The following SPTA1 variants were observed in gnomAD, a reference collection of about 807,000 sequenced individuals.
The protein encoded by SPTA1 is spectrin alpha chain, erythrocytic 1.
In SPTA1, 177 loss-of-function variants were observed where a neutral mutation model predicts 324.7. That is an observed-to-expected ratio of 0.55 (90% CI 0.48 to 0.62). The LOEUF is 0.62. SPTA1 is among the 20% of genes least tolerant of loss of function. The probability of loss-of-function intolerance (pLI) is 0.00; values close to 1 mark genes in which losing one functional copy is unlikely to be tolerated. For missense variants in SPTA1, 3,162 were observed against 2,883.6 expected, an observed-to-expected ratio of 1.10 and a Z score of -2.21; for synonymous variants, 1,195 against 1,041.3, an observed-to-expected ratio of 1.15 and a Z score of -2.84.
At position 158,638,965 on chromosome 1, in the gene SPTA1, T is replaced by C. The variant is rs193129079; in HGVS notation, c.4980+617A>G. ...TCTATCTCTTCTGTGTCTACTCCTA[T>C]TCTAACCCAGCCCCTTAGTGATGTC... On this transcript the variant is annotated intron_variant, in intron 35 of 51. Transcript: ENST00000643759. Among the ~76,000 whole-genome samples the C allele has an allele frequency of 3.0e-3, 461 of 152,226 alleles. 2 individuals carry two copies. The highest frequency in any genetic ancestry group is 0.01 in the African/African-American group (434 of 41,554).
chr1:158,626,797 G>T (rs145405080), intron 41 of SPTA1, 42 bp downstream of exon 41: 3 of 1,611,678 alleles, frequency 1.9e-6, no homozygotes, highest in African/African-American at 2.7e-5. Context: ...GATTTATTAG[G>T]GTTTCTCAAA....
Position 158,648,523 on chromosome 1 carries a change from G to A in SPTA1, c.3700C>T (p.Pro1234Ser), listed in dbSNP as rs1337317087. 2 of 1,613,816 alleles carry A rather than the reference G, an allele frequency of 1.2e-6. No individual in the cohort carries two copies. The highest frequency in any genetic ancestry group is 1.7e-6 in the Non-Finnish European group (2 of 1,179,928). The stretch of plus-strand genomic sequence containing the variant: ...ACTTGTCTCACCTTATCTCCCAGGG[G>A]TACGAGGTCCCTTTCAAAGCCCTCA... ...RHEGFERDLV[P>S]LGDKVTILGE... The change falls in exon 26 of 52, where the codon CCC becomes TCC. Residue 1234 changes from proline to serine, a missense_variant. Coordinates refer to ENST00000643759, the MANE Select transcript of SPTA1 (RefSeq NM_003126.4).
In SPTA1 at chr1:158,657,469, C is replaced by CCCCAA; in HGVS notation, c.2805+7_2805+8insTTGGG. On this transcript the variant is annotated splice_region_variant and intron_variant, in intron 19 of 51. Transcript: ENST00000643759. Reference sequence around the variant, plus strand: ...GGATTCACAATGTTAAACCCACCCCCACCTTACCCCAGCTGCTTCTTCATC... The same window carrying CCCCAA: ...GGATTCACAATGTTAAACCCACCCCCCCCAAACCTTACCCCAGCTGCTTCTTCATC... 1.3e-6 allele frequency: 2 copies of CCCCAA among 1,531,988 alleles called. No individual in the cohort carries two copies. The highest frequency in any genetic ancestry group is 1.8e-6 in the Non-Finnish European group (2 of 1,107,014). 94.9% of individuals were successfully genotyped at this position (1,531,988 alleles called of 1,614,324 possible). A position where few individuals can be genotyped will look rare whatever the true frequency, so the allele number is the denominator to read the frequency against.
In SPTA1 at chr1:158,669,423, A is replaced by G. The variant is rs1653840492; in HGVS notation, c.1818T>C (p.Asp606=). ...CTCTGCCTACCTTGTAATCTTCATC[A>G]TCTGCCAACTTTTTCTTCTTGTTGA... ...NWINKKKKLA[D]DEDYKDIQNL... The change falls in exon 14 of 52, where the codon GAT becomes GAC. Residue 606 remains aspartate, a synonymous_variant. Coordinates refer to ENST00000643759, the MANE Select transcript of SPTA1 (RefSeq NM_003126.4). The G allele has an allele frequency of 6.2e-7, 1 of 1,614,104 alleles. No individual in the cohort carries two copies. The highest frequency in any genetic ancestry group is 8.5e-7 in the Non-Finnish European group (1 of 1,179,978).
chr1:158,645,460 C>A lies in SPTA1; in HGVS notation c.3996+35G>T. ...TTTAAAATTAGTAGAGGTTTCAGGT[C>A]AAGTGATCAGTGGCTGTGACTTTTG... On this transcript the variant is annotated intron_variant, in intron 28 of 51. Coordinates refer to ENST00000643759, the MANE Select transcript of SPTA1 (RefSeq NM_003126.4). The A allele has an allele frequency of 1.9e-6, 3 of 1,613,842 alleles. No individual in the cohort carries two copies. In the South Asian group the frequency reaches 3.3e-5, roughly 18 times the overall value.
intron 16 of SPTA1, among the ~76,000 whole-genome samples, chr1:158,664,745 G>A (rs868858910): frequency 6.6e-5 from 10 of 152,154 alleles, no homozygotes; most frequent in African/African-American, 2.2e-4. Flanking sequence ...TCATTTCTTA[G>A]GACATTTTTG....
rs771851080 is a variant in SPTA1 at position 158,666,348 on chromosome 1, C to G, written c.2188G>C (p.Gly730Arg). The change falls in exon 16 of 52, where the codon GGC becomes CGC. Residue 730 changes from glycine to arginine, a missense_variant. Physicochemically the swap from Gly to Arg is moderately radical, Grantham distance 125. Transcript: ENST00000643759. ...AEVQNRLRKH[G>R]LLESAVAARQ... ...GCAGCCACAGCCGACTCCAGGAGGC[C>G]GTGTTTCCTGAGTCGATTCTGTACC... The G allele has an allele frequency of 2.5e-6, 4 of 1,613,800 alleles. No individual in the cohort carries two copies. Among genetic ancestry groups the G allele is most frequent in the Non-Finnish European group, 2.5e-6 (3 of 1,179,964 alleles).
Position 158,662,921 on chromosome 1 carries a change from G to C in SPTA1, c.2245C>G (p.Leu749Val), listed in dbSNP as rs777149969. The change falls in exon 17 of 52, where the codon CTG (leucine) becomes GTG (valine). Residue 749 changes from leucine (L) to valine (V), a missense_variant. Physicochemically the swap from Leu to Val is conservative, Grantham distance 32. Transcript: ENST00000643759. ...CCTATTTCTTCAAAATATGCAGCCA[G>C]GTCTGTAAGGATATCCACCTGATCC... ...RQDQVDILTDLAAYFEEIGHP... is the reference protein window; with the variant it reads ...RQDQVDILTDVAAYFEEIGHP... 6.2e-7 allele frequency: 1 copy of C among 1,613,916 alleles called. No homozygotes were observed. Among genetic ancestry groups the C allele is most frequent in the Non-Finnish European group, 8.5e-7 (1 of 1,179,972 alleles).
intron 12 of SPTA1, among the ~76,000 whole-genome samples, chr1:158,670,640 A>G (rs1042865070): frequency 6.6e-6 from 1 of 152,194 alleles, no homozygotes; most frequent in Non-Finnish European, 1.5e-5. Context: ...CATACAATGT[A>G]TTGGACCCAT....
rs1183748687 is a variant in SPTA1 at position 158,634,590 on chromosome 1, C to A, written c.5518G>T (p.Ala1840Ser). ...EEEAWINEKN[A>S]LAVRGDCGDT... The stretch of plus-strand genomic sequence containing the variant: ...CCACAATCTCCTCGGACAGCCAAAG[C>A]ATTCTTTTCATTGATCCAAGCTTCC... The change falls in exon 39 of 52, where the codon GCT becomes TCT. Residue 1840 changes from alanine (A) to serine (S), a missense_variant. By Grantham distance (99) the Ala-to-Ser change is moderately conservative. Transcript: ENST00000643759. 1.2e-6 allele frequency: 2 copies of A among 1,614,158 alleles called. No individual in the cohort carries two copies. The highest frequency in any genetic ancestry group is 1.7e-6 in the Non-Finnish European group (2 of 1,180,042).
intron 3 of SPTA1, among the ~76,000 whole-genome samples, chr1:158,682,832 G>A (rs112123396): frequency 0.018 from 2,762 of 152,184 alleles, 40 homozygotes; most frequent in Middle Eastern, 0.031. Context: ...ATTTCTAGAT[G>A]TTCAGAGAAA....
At chr1:158,651,907 C>CTG (rs1491159089) in intron 23 of SPTA1, among the ~76,000 whole-genome samples, 167 of 145,562 alleles carry the variant, frequency 1.1e-3, no homozygotes, top group South Asian at 4.9e-3. Context: ...CTCTCTCTCT[C>CTG]TCTGTGTGTG....
In SPTA1 at chr1:158,674,527, C is replaced by A; in HGVS notation, c.1248+13G>T. 1.9e-6 allele frequency: 3 copies of A among 1,614,118 alleles called. No individual in the cohort carries two copies. In the South Asian group the frequency reaches 3.3e-5, roughly 18 times the overall value. ...CTGCCCCCTCCTCCTACTGGGCAGCCTTTCTTCTCTACCTTATGCTGCTGA... is the reference window on the plus strand; with the variant it reads ...CTGCCCCCTCCTCCTACTGGGCAGCATTTCTTCTCTACCTTATGCTGCTGA... On this transcript the variant is annotated intron_variant, in intron 9 of 51. Transcript: ENST00000643759.
rs925558088 is a variant in SPTA1 at position 158,629,348 on chromosome 1, G to A, written c.5566-1625C>T. ...AATGATTATATACCACAAACAAGCA[G>A]AATTTATCCCTGGGATGCAAGGATG... On this transcript the variant is annotated intron_variant, in intron 39 of 51. Transcript: ENST00000643759. Among the ~76,000 whole-genome samples the A allele has an allele frequency of 2.6e-5, 4 of 151,706 alleles. No homozygotes were observed. In the South Asian group the frequency reaches 6.2e-4, roughly 24 times the overall value.
chr1:158,639,656 C>T lies in SPTA1; in HGVS notation c.4906G>A (p.Ala1636Thr). 6.2e-7 allele frequency: 1 copy of T among 1,613,872 alleles called. No individual in the cohort carries two copies. The highest frequency in any genetic ancestry group is 8.5e-7 in the Non-Finnish European group (1 of 1,179,900). Residue 1636 changes from alanine (A) to threonine (T), a missense_variant, in exon 35 of 52, where the codon GCC becomes ACC. Coordinates refer to ENST00000643759, the MANE Select transcript of SPTA1 (RefSeq NM_003126.4). ...TTTCCTGCTGAAGCCAAGTCCCTGG[C>T]CTGATCTTTCATGGCCAGCAATGTC... ...AETLLAMKDQ[A>T]RDLASAGNLL... is the part of the protein sequence containing the mutation.
intron 39 of SPTA1, among the ~76,000 whole-genome samples, chr1:158,630,080 G>T (rs1650573004): frequency 6.6e-6 from 1 of 151,856 alleles, no homozygotes; most frequent in African/African-American, 2.4e-5. Flanking sequence ...TACCCAAAGT[G>T]ATGTACAAGG....
At chr1:158,648,704 C>T in intron 25 of SPTA1, 51 bp from the exon 26 acceptor site, 1 of 1,605,096 alleles carries the variant, frequency 6.2e-7, no homozygotes, top group South Asian at 1.1e-5. Context: ...GTACCAGAGG[C>T]AGGCTAGTGG....
chr1:158,676,405 T>C (rs570684399), intron 7 of SPTA1, 110 bp from the exon 8 acceptor site: 5 of 1,169,268 alleles, frequency 4.3e-6, no homozygotes, highest in Non-Finnish European at 2.5e-6. Flanking sequence ...AATTTAGAAA[T>C]CGACATATGA....
At chr1:158,681,141 C>T (rs1654779035) in intron 4 of SPTA1, among the ~76,000 whole-genome samples, 1 of 152,090 alleles carries the variant, frequency 6.6e-6, no homozygotes, top group African/African-American at 2.4e-5. Context: ...ATAAAACCCT[C>T]CATCTTTATA....
Sources: allele counts gnomAD v4.1 joint callset (sites outside exome capture counted in the v4.1 genomes callset), GRCh38; gene constraint gnomAD v4.1.1; transcripts MANE v1.5; gene names NCBI Gene and HGNC (gene_info 2026-07-23, HGNC 2026-07-21).